ACVR2A: variants seen among roughly 807,000 people sequenced by gnomAD.
ACVR2A encodes activin receptor type-2A.
ACVR2A carries 7 observed loss-of-function variants against 61.4 expected under a neutral mutation model. The observed-to-expected ratio is 0.11, with a 90% confidence interval of 0.06 to 0.21. The LOEUF (loss-of-function observed/expected upper bound fraction) is 0.21, where lower values mean the gene tolerates loss of function less well. ACVR2A is among the 10% of genes least tolerant of loss of function. ACVR2A has a pLI of 1.00. For synonymous variants in ACVR2A, 193 were observed against 208.3 expected (o/e 0.93, Z 0.63); for missense variants, 322 against 621.7 (o/e 0.52, Z 5.13).
In ACVR2A at chr2:147,928,947, CAGG is replaced by C. The variant is rs1687580571; in HGVS notation, c.*1676_*1678del. The C allele has an allele frequency of 6.6e-6, 1 of 152,398 alleles. No homozygotes were observed. Among genetic ancestry groups the C allele is most frequent in the African/African-American group, 2.4e-5 (1 of 41,426 alleles). 9.4% of individuals were successfully genotyped at this position (152,398 alleles called of 1,614,324 possible). On this transcript the variant is annotated 3_prime_UTR_variant, in exon 11 of 11. Transcript: ENST00000241416. ...AAAAGAATTTTTTACATGTCACTGT[CAGG>C]AGCTCACTGTGAATGTGTTGTCTTC...
intron 1 of ACVR2A, among the ~76,000 whole-genome samples, chr2:147,887,468 G>A: frequency 6.6e-6 from 1 of 152,130 alleles, no homozygotes; most frequent in South Asian, 2.1e-4. Flanking sequence ...CTGACAGTCT[G>A]GTGAAGGACA....
At chr2:147,849,950 T>C (rs1685405470) in intron 1 of ACVR2A, among the ~76,000 whole-genome samples, 1 of 152,228 alleles carries the variant, frequency 6.6e-6, no homozygotes, top group South Asian at 2.1e-4. Context: ...AGTGCTACTA[T>C]GATTTTCTCA....
rs1260449300 is a variant in ACVR2A at position 147,915,217 on chromosome 2, A to G, written c.555A>G (p.Pro185=). 5 of 1,612,050 alleles carry G rather than the reference A, an allele frequency of 3.1e-6. No homozygotes were observed. In the African/African-American group the frequency reaches 6.7e-5, roughly 22 times the overall value. Residue 185 remains proline (P), a synonymous_variant, in exon 5 of 11, where the codon CCA becomes CCG. Transcript: ENST00000241416. The stretch of plus-strand genomic sequence containing the variant: ...ACCCAGGACCACCCCCACCTTCTCC[A>G]TTACTAGGTTTGAAACCACTGCAGT... ...TQDPGPPPPS[P]LLGLKPLQLL... is the part of the protein sequence containing the mutation.
chr2:147,849,025 C>G (rs747714460), intron 1 of ACVR2A, among the ~76,000 whole-genome samples: 1 of 152,040 alleles, frequency 6.6e-6, no homozygotes, highest in Non-Finnish European at 1.5e-5. Flanking sequence ...GAGAAACAGA[C>G]TATAGATACG....
intron 4 of ACVR2A, among the ~76,000 whole-genome samples, chr2:147,911,017 G>C (rs1005817730): frequency 1.3e-5 from 2 of 152,104 alleles, no homozygotes; most frequent in Non-Finnish European, 2.9e-5. Context: ...GGCAGTTCAG[G>C]AAATAGGAAA....
intron 1 of ACVR2A, among the ~76,000 whole-genome samples, chr2:147,846,171 A>G (rs189983425): frequency 1.3e-5 from 2 of 152,298 alleles, no homozygotes; most frequent in East Asian, 3.9e-4. Flanking sequence ...GATGTACATA[A>G]CAGGAGAGTT....
In ACVR2A at chr2:147,927,298, A is replaced by G. The variant is rs1463608927; in HGVS notation, c.*24A>G. 2 of 1,587,112 alleles carry G rather than the reference A, an allele frequency of 1.3e-6. No homozygotes were observed. Among genetic ancestry groups the G allele is most frequent in the Non-Finnish European group, 1.7e-6 (2 of 1,168,006 alleles). ...GATGGTTGCGCCATCTGTGCACACT[A>G]AGAAATGGGACTCTGAACTGGAGCT... On this transcript the variant is annotated 3_prime_UTR_variant, in exon 11 of 11. Coordinates refer to ENST00000241416, the MANE Select transcript of ACVR2A (RefSeq NM_001616.5).
chr2:147,929,830 T>TG lies in ACVR2A; in HGVS notation c.*2557dup, dbSNP rs923761183. ...TTCCTCATGTGTATGGTGCTCCTCA[T>TG]GACTCGTCTTGTATTTTGCCTTTCT... On this transcript the variant is annotated 3_prime_UTR_variant, in exon 11 of 11. Coordinates refer to ENST00000241416, the MANE Select transcript of ACVR2A (RefSeq NM_001616.5). 6 of 152,432 alleles carry TG rather than the reference T, an allele frequency of 3.9e-5. No homozygotes were observed. Among genetic ancestry groups the TG allele is most frequent in the Admixed American group, 2.0e-4 (3 of 15,202 alleles). 9.4% of individuals were successfully genotyped at this position (152,432 alleles called of 1,614,324 possible).
rs181339487 is a variant in ACVR2A at position 147,896,013 on chromosome 2, G to T, written c.56-288G>T. Reference sequence around the variant, plus strand: ...AAAAGTAGTCTACTCAAGGGCCAAGGTTTCATAAAATTAACAATTTCTGTG... The same window carrying T: ...AAAAGTAGTCTACTCAAGGGCCAAGTTTTCATAAAATTAACAATTTCTGTG... On this transcript the variant is annotated intron_variant, in intron 1 of 10. Transcript: ENST00000241416. 3.5e-3 allele frequency among the ~76,000 whole-genome samples: 533 copies of T among 152,196 alleles called. 2 individuals carry two copies. Among genetic ancestry groups the T allele is most frequent in the Non-Finnish European group, 5.0e-3 (337 of 68,002 alleles).
intron 1 of ACVR2A, among the ~76,000 whole-genome samples, chr2:147,852,557 G>T (rs1351418404): frequency 6.6e-6 from 1 of 152,062 alleles, no homozygotes; most frequent in East Asian, 1.9e-4. Flanking sequence ...GTGTGCCTAG[G>T]TATAGAATAT....
chr2:147,894,357 T>C (rs571877188), intron 1 of ACVR2A, among the ~76,000 whole-genome samples: 69 of 152,276 alleles, frequency 4.5e-4, no homozygotes, highest in African/African-American at 1.6e-3. Flanking sequence ...AGTTTCCTTG[T>C]TTTTCAAATA....
intron 4 of ACVR2A, among the ~76,000 whole-genome samples, chr2:147,905,319 G>A (rs1465799441): frequency 6.6e-6 from 1 of 151,764 alleles, no homozygotes; most frequent in African/African-American, 2.4e-5. Context: ...GTTTTATTAT[G>A]TGTTTTTAAG....
At chr2:147,877,625 CA>C (rs1467555334) in intron 1 of ACVR2A, 7 of 152,170 alleles carry the variant, frequency 4.6e-5, no homozygotes, top group African/African-American at 1.4e-4. Context: ...TTTTCCTGAA[CA>C]AAAAATTGCT....
intron 1 of ACVR2A, among the ~76,000 whole-genome samples, chr2:147,879,880 T>C (rs1686254705): frequency 6.6e-6 from 1 of 152,210 alleles, no homozygotes; most frequent in Non-Finnish European, 1.5e-5. Flanking sequence ...CTTGCAGTAA[T>C]AACCTTCCAG....
intron 1 of ACVR2A, among the ~76,000 whole-genome samples, chr2:147,848,741 G>T (rs1429642553): frequency 6.6e-6 from 1 of 151,952 alleles, no homozygotes; most frequent in Non-Finnish European, 1.5e-5. Context: ...GAAGTAATCT[G>T]CACAGCAAAC....
At chr2:147,879,022 G>A (rs557011418) in intron 1 of ACVR2A, among the ~76,000 whole-genome samples, 2 of 152,068 alleles carry the variant, frequency 1.3e-5, no homozygotes, top group Non-Finnish European at 1.5e-5. Flanking sequence ...TAGTTTCTTG[G>A]GAGTAGACCA....
At chr2:147,883,839 C>CT (rs1221828777) in intron 1 of ACVR2A, among the ~76,000 whole-genome samples, 7 of 152,096 alleles carry the variant, frequency 4.6e-5, no homozygotes, top group Non-Finnish European at 7.4e-5. Flanking sequence ...ATTTCTCACT[C>CT]TTAACATTGC....
intron 7 of ACVR2A, among the ~76,000 whole-genome samples, chr2:147,919,564 A>G (rs16828024): frequency 0.032 from 4,945 of 152,212 alleles, 174 homozygotes; most frequent in African/African-American, 0.089. Context: ...ACCACTAGTC[A>G]TTGGCATAGA....
chr2:147,883,604 G>A (rs1424325123), intron 1 of ACVR2A, among the ~76,000 whole-genome samples: 1 of 151,832 alleles, frequency 6.6e-6, no homozygotes, highest in East Asian at 1.9e-4. Context: ...AAGCAACATA[G>A]TTATGAAAAA....
Sources: gnomAD v4.1 joint callset for allele counts (sites outside exome capture counted in the v4.1 genomes callset) on GRCh38, gnomAD v4.1.1 for gene constraint, MANE v1.5 for transcripts, NCBI Gene and HGNC (gene_info 2026-07-23, HGNC 2026-07-21) for gene names.